Variants in ANGPT1 observed in about 807,000 individuals in gnomAD.
The protein encoded by ANGPT1 is angiopoietin 1, also known as angiopoietin-1.
Under a neutral mutation model 62.2 loss-of-function variants are expected in ANGPT1, and 17 were observed. The ratio of observed to expected loss-of-function variants is 0.27; its 90% CI spans 0.19 to 0.41. The LOEUF (loss-of-function observed/expected upper bound fraction) is 0.41. ANGPT1 is among the 10% of genes least tolerant of loss of function. ANGPT1 has a pLI of 1.00. For synonymous variants in ANGPT1, 199 were observed against 198.9 expected (o/e 1.00, Z 0.00); for missense variants, 478 against 594.9 (o/e 0.80, Z 2.04).
intron 1 of ANGPT1, among the ~76,000 whole-genome samples, chr8:107,372,529 A>G (rs757248215): frequency 1.3e-5 from 2 of 152,108 alleles, no homozygotes; most frequent in Non-Finnish European, 2.9e-5. Context: ...GTTTAACTCT[A>G]TTATTTAACT....
chr8:107,391,906 C>T (rs1816843298), intron 1 of ANGPT1, among the ~76,000 whole-genome samples: 1 of 152,088 alleles, frequency 6.6e-6, no homozygotes, highest in African/African-American at 2.4e-5. Context: ...ATTACCACAG[C>T]TACAATATCA....
intron 1 of ANGPT1, among the ~76,000 whole-genome samples, chr8:107,396,973 G>A (rs936728015): frequency 1.3e-5 from 2 of 152,146 alleles, no homozygotes; most frequent in African/African-American, 2.4e-5. Flanking sequence ...AGTAAGGGAT[G>A]TGAACAAATG....
At chr8:107,323,540 C>T (rs1210536258) in intron 3 of ANGPT1, among the ~76,000 whole-genome samples, 5 of 152,104 alleles carry the variant, frequency 3.3e-5, no homozygotes, top group Non-Finnish European at 7.4e-5. Flanking sequence ...GTCTTTTACA[C>T]AGATTAAGAA....
intron 1 of ANGPT1, among the ~76,000 whole-genome samples, chr8:107,388,365 T>C (rs1361531707): frequency 6.6e-6 from 1 of 152,070 alleles, no homozygotes; most frequent in Non-Finnish European, 1.5e-5. Flanking sequence ...TAGTGAGCTA[T>C]GATTGCACCA....
intron 1 of ANGPT1, among the ~76,000 whole-genome samples, chr8:107,360,408 A>G (rs1816137771): frequency 6.6e-6 from 1 of 152,074 alleles, no homozygotes. Flanking sequence ...GAGCCCAAAT[A>G]TTGCAGTCGA....
intron 1 of ANGPT1, among the ~76,000 whole-genome samples, chr8:107,446,744 T>C (rs1011759292): frequency 3.3e-5 from 5 of 152,216 alleles, no homozygotes; most frequent in Admixed American, 2.0e-4. Flanking sequence ...AGACCAGTTA[T>C]GTGGCTATTG....
chr8:107,369,306 A>G (rs1340954760), intron 1 of ANGPT1, among the ~76,000 whole-genome samples: 1 of 152,186 alleles, frequency 6.6e-6, no homozygotes, highest in Non-Finnish European at 1.5e-5. Flanking sequence ...CTCAGCCTTC[A>G]TAGAATTGAA....
intron 2 of ANGPT1, among the ~76,000 whole-genome samples, chr8:107,337,461 G>A (rs1472900647): frequency 6.6e-6 from 1 of 152,044 alleles, no homozygotes; most frequent in Non-Finnish European, 1.5e-5. Flanking sequence ...TCATTCTCCA[G>A]GCAAAGAATG....
At chr8:107,344,567 G>C (rs1007457364) in intron 2 of ANGPT1, among the ~76,000 whole-genome samples, 1 of 152,174 alleles carries the variant, frequency 6.6e-6, no homozygotes, top group Non-Finnish European at 1.5e-5. Flanking sequence ...GTGGCTTTCT[G>C]CATTTTGTTA....
intron 6 of ANGPT1, among the ~76,000 whole-genome samples, chr8:107,290,549 T>G (rs555727564): frequency 1.2e-4 from 19 of 152,098 alleles, no homozygotes; most frequent in Non-Finnish European, 2.5e-4. Context: ...TGTCTTTAGG[T>G]GAAAGAAAAA....
intron 1 of ANGPT1, among the ~76,000 whole-genome samples, chr8:107,400,582 C>T (rs1239909508): frequency 2.7e-5 from 4 of 148,294 alleles, no homozygotes; most frequent in African/African-American, 5.0e-5. Context: ...TTTTTTGAGA[C>T]GGAGTCTCAC....
At chr8:107,397,844 T>C (rs1816965975) in intron 1 of ANGPT1, among the ~76,000 whole-genome samples, 1 of 152,192 alleles carries the variant, frequency 6.6e-6, no homozygotes, top group African/African-American at 2.4e-5. Flanking sequence ...GTCCCATTTT[T>C]TCACTTAAAA....
chr8:107,469,509 T>A (rs1483838909), intron 1 of ANGPT1, among the ~76,000 whole-genome samples: 1 of 152,042 alleles, frequency 6.6e-6, no homozygotes, highest in Admixed American at 6.6e-5. Flanking sequence ...CAAATTGTTA[T>A]GAACCACAGC....
At chr8:107,445,420 A>C (rs531684233) in intron 1 of ANGPT1, among the ~76,000 whole-genome samples, 1 of 152,330 alleles carries the variant, frequency 6.6e-6, no homozygotes, top group African/African-American at 2.4e-5. Flanking sequence ...GAATTCCTTC[A>C]AGAGTTATAA....
At chr8:107,353,572 C>A (rs894545323) in intron 1 of ANGPT1, among the ~76,000 whole-genome samples, 1 of 152,178 alleles carries the variant, frequency 6.6e-6, no homozygotes, top group Admixed American at 6.5e-5. Flanking sequence ...TGATACCCAT[C>A]AGCTGCCCCC....
chr8:107,316,636 T>C (rs1043466470), intron 4 of ANGPT1, among the ~76,000 whole-genome samples: 5 of 152,198 alleles, frequency 3.3e-5, no homozygotes, highest in African/African-American at 7.2e-5. Context: ...AATATCACCA[T>C]TATCATCATA....
intron 5 of ANGPT1, among the ~76,000 whole-genome samples, chr8:107,300,517 C>A (rs1814561872): frequency 6.6e-6 from 1 of 151,632 alleles, no homozygotes. Context: ...AGTTATCTCC[C>A]CTTCTCACCA....
Position 107,428,879 on chromosome 8 carries a change from A to G in ANGPT1, c.297+68383T>C, listed in dbSNP as rs1016354802. 4.6e-5 allele frequency among the ~76,000 whole-genome samples: 7 copies of G among 152,208 alleles called. No homozygotes were observed. The East Asian group carries it at 1.3e-3, about 29-fold the overall frequency. On this transcript the variant is annotated intron_variant, in intron 1 of 8. Transcript: ENST00000517746. ...ATTCATCCTATTATTGTCTTCTCTT[A>G]AACCCTCAGGTAAAATGAAAGAAAA...
chr8:107,370,372 G>GAAAAAAGAAAGAAAGAAAGA (rs1303734207), intron 1 of ANGPT1, among the ~76,000 whole-genome samples: 1 of 34,996 alleles, frequency 2.9e-5, no homozygotes, highest in African/African-American at 5.1e-5. Context: ...AAGAAAGAAA[G>GAAAAAAGAAAGAAAGAAAGA]AAAGAAAGAA....
Sources: allele counts gnomAD v4.1 joint callset (sites outside exome capture counted in the v4.1 genomes callset), GRCh38; gene constraint gnomAD v4.1.1; transcripts MANE v1.5; gene names NCBI Gene and HGNC (gene_info 2026-07-23, HGNC 2026-07-21).